Variants in NFIA observed in about 807,000 individuals in gnomAD.
The protein encoded by NFIA is nuclear factor 1 A-type.
In NFIA, 8 loss-of-function variants were observed where a neutral mutation model predicts 62.8. That is an observed-to-expected ratio of 0.13 (90% CI 0.07 to 0.23). The LOEUF is 0.23. Among genes scored for constraint, NFIA ranks in the 10% least tolerant of loss-of-function variants. The pLI, the probability that NFIA is intolerant of heterozygous loss-of-function variation, is 1.00. For synonymous variants in NFIA, 235 were observed against 238.1 expected, an observed-to-expected ratio of 0.99 and a Z score of 0.12; for missense variants, 410 against 642.1, an observed-to-expected ratio of 0.64 and a Z score of 3.91.
chr1:61,336,518 C>T (rs1342999874), intron 4 of NFIA, among the ~76,000 whole-genome samples: 2 of 152,284 alleles, frequency 1.3e-5, no homozygotes, highest in African/African-American at 4.8e-5. Context: ...AGTATTGACG[C>T]ATAATTAATA....
intron 4 of NFIA, among the ~76,000 whole-genome samples, chr1:61,345,920 G>A (rs1180926661): frequency 6.6e-6 from 1 of 152,162 alleles, no homozygotes; most frequent in Non-Finnish European, 1.5e-5. Flanking sequence ...AATCGTGATG[G>A]TGATGGTGGC....
chr1:61,410,056 G>A (rs982785811), intron 9 of NFIA, among the ~76,000 whole-genome samples: 3 of 152,126 alleles, frequency 2.0e-5, no homozygotes, highest in African/African-American at 7.2e-5. Context: ...TAGTGTGTGG[G>A]ATTCAGAGAT....
intron 3 of NFIA, among the ~76,000 whole-genome samples, chr1:61,283,066 G>A: frequency 1.3e-5 from 2 of 152,082 alleles, no homozygotes; most frequent in Non-Finnish European, 2.9e-5. Context: ...TGGAGTATTG[G>A]TTGAATCTAC....
chr1:61,290,013 C>CTT (rs34503737), intron 3 of NFIA, among the ~76,000 whole-genome samples: 4,593 of 140,680 alleles, frequency 0.033, 87 homozygotes, highest in Middle Eastern at 0.086. Context: ...TTTTAAGTTT[C>CTT]TTTTTTTTTT....
intron 10 of NFIA, among the ~76,000 whole-genome samples, chr1:61,428,003 T>C (rs1666943104): frequency 6.6e-6 from 1 of 152,168 alleles, no homozygotes; most frequent in South Asian, 2.1e-4. Context: ...GTGTCCAAGT[T>C]CAATGAGAGG....
In NFIA at chr1:61,306,252, G is replaced by T. The variant is rs150516530; in HGVS notation, c.626-26260G>T. On this transcript the variant is annotated intron_variant, in intron 3 of 10. Coordinates refer to ENST00000403491, the MANE Select transcript of NFIA (RefSeq NM_001134673.4). ...TTTAGCCATTTCACCTATCATCCTGGAGACCCAGATTTTGTTCTTTTTTTT... is the reference window on the plus strand; with the variant it reads ...TTTAGCCATTTCACCTATCATCCTGTAGACCCAGATTTTGTTCTTTTTTTT... 6.0e-5 allele frequency among the ~76,000 whole-genome samples: 8 copies of T among 133,310 alleles called. No individual in the cohort carries two copies. The East Asian group carries it at 2.0e-3, about 33-fold the overall frequency. 87.5% of individuals were successfully genotyped at this position (133,310 alleles called of 152,430 possible). A position where few individuals can be genotyped will look rare whatever the true frequency, so the allele number is the denominator to read the frequency against.
At chr1:61,374,512 A>AT (rs1470581315) in intron 6 of NFIA, among the ~76,000 whole-genome samples, 1 of 152,148 alleles carries the variant, frequency 6.6e-6, no homozygotes, top group Non-Finnish European at 1.5e-5. Flanking sequence ...CAGAAACCAG[A>AT]TTTTTATATG....
chr1:61,275,974 A>T (rs1191678865), intron 2 of NFIA, among the ~76,000 whole-genome samples: 2 of 151,968 alleles, frequency 1.3e-5, no homozygotes, highest in African/African-American at 4.8e-5. Context: ...GTATTTTTGT[A>T]GTTTATTCTG....
chr1:61,203,388 G>T (rs761351864), intron 2 of NFIA, among the ~76,000 whole-genome samples: 2 of 152,200 alleles, frequency 1.3e-5, no homozygotes, highest in Non-Finnish European at 2.9e-5. Context: ...CGAGTTCCAC[G>T]GGATGGCTCA....
At chr1:61,109,444 G>C (rs906384997) in intron 2 of NFIA, among the ~76,000 whole-genome samples, 1 of 151,614 alleles carries the variant, frequency 6.6e-6, no homozygotes, top group African/African-American at 2.4e-5. Flanking sequence ...TGCCCAGCCA[G>C]GCAAAAGTTA....
chr1:61,321,254 C>T (rs986453814), intron 3 of NFIA, among the ~76,000 whole-genome samples: 7 of 151,796 alleles, frequency 4.6e-5, no homozygotes, highest in Non-Finnish European at 1.0e-4. Context: ...TTAAAATAAT[C>T]CCTAAAGATT....
In NFIA at chr1:61,308,517, T is replaced by A. The variant is rs752224190; in HGVS notation, c.626-23995T>A. Among the ~76,000 whole-genome samples, 9 of 152,206 alleles carry A rather than the reference T, an allele frequency of 5.9e-5. No homozygotes were observed. The South Asian group carries it at 1.7e-3, about 28-fold the overall frequency. The stretch of plus-strand genomic sequence containing the variant: ...TTAAAGGCTATATGTGAAATAGAAC[T>A]GTTTTATATTAGTGAGCTGTTGGGG... On this transcript the variant is annotated intron_variant, in intron 3 of 10. Transcript: ENST00000403491.
At chr1:61,287,612 C>T (rs887045791) in intron 3 of NFIA, among the ~76,000 whole-genome samples, 5 of 152,010 alleles carry the variant, frequency 3.3e-5, no homozygotes, top group African/African-American at 1.2e-4. Flanking sequence ...TGAGACCAGC[C>T]TGGGCAACAT....
At chr1:61,313,465 A>C (rs985290323) in intron 3 of NFIA, among the ~76,000 whole-genome samples, 1 of 152,184 alleles carries the variant, frequency 6.6e-6, no homozygotes, top group Non-Finnish European at 1.5e-5. Flanking sequence ...CAGATCTTGC[A>C]AGAACTCACT....
At chr1:61,226,471 GCCATCC>G (rs1370528033) in intron 2 of NFIA, among the ~76,000 whole-genome samples, 4 of 152,042 alleles carry the variant, frequency 2.6e-5, no homozygotes, top group African/African-American at 7.2e-5. Flanking sequence ...CCTCTTGGCA[GCCATCC>G]CTAAACTTCA....
intron 2 of NFIA, among the ~76,000 whole-genome samples, chr1:61,192,453 G>A (rs535179390): frequency 2.0e-5 from 3 of 152,242 alleles, no homozygotes; most frequent in African/African-American, 7.2e-5. Context: ...TGTAATCACA[G>A]CACTTTGGGA....
chr1:61,160,313 G>A (rs1023688140), intron 2 of NFIA, among the ~76,000 whole-genome samples: 1 of 152,204 alleles, frequency 6.6e-6, no homozygotes, highest in Non-Finnish European at 1.5e-5. Context: ...TAGATTCCTA[G>A]CCCCTTCCGA....
chr1:61,292,330 G>T (rs962181277), intron 3 of NFIA, among the ~76,000 whole-genome samples: 12 of 152,140 alleles, frequency 7.9e-5, no homozygotes, highest in African/African-American at 2.4e-4. Flanking sequence ...TAGGGTGAAT[G>T]AATGAATGGG....
At chr1:61,082,543 T>C, upstream of NFIA, 2 of 1,424,262 alleles carry the variant, frequency 1.4e-6, no homozygotes, top group Non-Finnish European at 1.8e-6. Flanking sequence ...TATAGTGGAG[T>C]GTAGGGAAAC....
Sources: gnomAD v4.1 joint callset for allele counts (sites outside exome capture counted in the v4.1 genomes callset) on GRCh38, gnomAD v4.1.1 for gene constraint, MANE v1.5 for transcripts, NCBI Gene and HGNC (gene_info 2026-07-23, HGNC 2026-07-21) for gene names.